The following XKR4 variants were observed in gnomAD, a reference collection of about 807,000 sequenced individuals.
The protein encoded by XKR4 is XK related 4.
In XKR4, 12 loss-of-function variants were observed where a neutral mutation model predicts 53.9. That is an observed-to-expected ratio of 0.22 (90% CI 0.14 to 0.36). The LOEUF is 0.36. Among genes scored for constraint, XKR4 ranks in the 10% least tolerant of loss-of-function variants. XKR4 has a pLI of 1.00. For missense variants in XKR4, 799 were observed against 859.5 expected (o/e 0.93, Z 0.88); for synonymous variants, 354 against 362.4 (o/e 0.98, Z 0.26).
chr8:55,487,976 T>C lies in XKR4; in HGVS notation c.1007-35305T>C, dbSNP rs147476923. 1.7e-4 allele frequency among the ~76,000 whole-genome samples: 26 copies of C among 152,340 alleles called. No individual in the cohort carries two copies. In the East Asian group the frequency reaches 5.0e-3, roughly 29 times the overall value. Reference sequence around the variant, plus strand: ...CTTCCACAGAACTCTGCTTTCAGGATTTCCAACTCTGGAATTTTAATCATT... The same window carrying C: ...CTTCCACAGAACTCTGCTTTCAGGACTTCCAACTCTGGAATTTTAATCATT... On this transcript the variant is annotated intron_variant, in intron 2 of 2. Transcript: ENST00000327381.
chr8:55,414,277 A>T (rs1041821166), intron 2 of XKR4, among the ~76,000 whole-genome samples: 1 of 152,164 alleles, frequency 6.6e-6, no homozygotes, highest in African/African-American at 2.4e-5. Context: ...ATTTATTCAC[A>T]TATTTACTAA....
rs111513957 is a variant in XKR4 at position 55,535,964 on chromosome 8, G to A, written c.*11737G>A. 3 of 152,186 alleles carry A rather than the reference G, an allele frequency of 2.0e-5. No homozygotes were observed. Among genetic ancestry groups the A allele is most frequent in the African/African-American group, 7.2e-5 (3 of 41,438 alleles). 9.4% of individuals were successfully genotyped at this position (152,186 alleles called of 1,614,324 possible). On this transcript the variant is annotated 3_prime_UTR_variant, in exon 3 of 3. Transcript: ENST00000327381. ...GATAAGGTATTCCAAGGTATTGTAA[G>A]TTACCCTTGTTTGTAGAACATGAAC...
chr8:55,284,577 T>C (rs566081295), intron 1 of XKR4, among the ~76,000 whole-genome samples: 1 of 152,282 alleles, frequency 6.6e-6, no homozygotes, highest in South Asian at 2.1e-4. Flanking sequence ...TTGAGTGTCC[T>C]TGTGACATGG....
intron 2 of XKR4, among the ~76,000 whole-genome samples, chr8:55,455,478 C>A (rs549380409): frequency 4.4e-4 from 67 of 152,234 alleles, no homozygotes; most frequent in Non-Finnish European, 6.9e-4. Context: ...AACTTTGGTG[C>A]TAGAGGGGGC....
chr8:55,162,263 C>A (rs9643836), intron 1 of XKR4, among the ~76,000 whole-genome samples: 4,582 of 152,250 alleles, frequency 0.03, 179 homozygotes, highest in East Asian at 0.12. Context: ...AAGAATACAA[C>A]CCACACCTTA....
At chr8:55,212,411 GCT>G (rs1817743245) in intron 1 of XKR4, among the ~76,000 whole-genome samples, 1 of 152,118 alleles carries the variant, frequency 6.6e-6, no homozygotes, top group African/African-American at 2.4e-5. Flanking sequence ...TTCAAGATCT[GCT>G]CTCTGTCATG....
chr8:55,131,124 A>G (rs1054554057), intron 1 of XKR4, among the ~76,000 whole-genome samples: 1 of 151,478 alleles, frequency 6.6e-6, no homozygotes, highest in Non-Finnish European at 1.5e-5. Context: ...ACACCATTGC[A>G]CTCCAGCCTG....
At chr8:55,119,135 A>C (rs560130340) in intron 1 of XKR4, among the ~76,000 whole-genome samples, 1 of 152,320 alleles carries the variant, frequency 6.6e-6, no homozygotes, top group East Asian at 1.9e-4. Context: ...CGCACACGTT[A>C]TTAAAATGTG....
At chr8:55,107,100 CCAAA>C (rs1394107172) in intron 1 of XKR4, among the ~76,000 whole-genome samples, 1 of 151,968 alleles carries the variant, frequency 6.6e-6, no homozygotes, top group Non-Finnish European at 1.5e-5. Context: ...TTAAAACTGG[CCAAA>C]CAAAAATAAT....
intron 1 of XKR4, among the ~76,000 whole-genome samples, chr8:55,156,216 G>A (rs1204086083): frequency 6.6e-6 from 1 of 151,846 alleles, no homozygotes; most frequent in African/African-American, 2.4e-5. Flanking sequence ...TTTGGTGGGG[G>A]GCGGGGAGGA....
At chr8:55,140,911 T>G (rs1318806647) in intron 1 of XKR4, among the ~76,000 whole-genome samples, 1 of 152,210 alleles carries the variant, frequency 6.6e-6, no homozygotes, top group Non-Finnish European at 1.5e-5. Flanking sequence ...TAGATGTTCA[T>G]TTGTCCATTT....
At position 55,155,646 on chromosome 8, in the gene XKR4, G is replaced by A. The variant is rs573727172; in HGVS notation, c.806+52352G>A. 4.9e-4 allele frequency among the ~76,000 whole-genome samples: 70 copies of A among 142,032 alleles called. 1 individual carries two copies. The highest frequency in any genetic ancestry group is 3.3e-3 in the South Asian group (15 of 4,534). 93.2% of individuals were successfully genotyped at this position (142,032 alleles called of 152,430 possible). A position where few individuals can be genotyped will look rare whatever the true frequency, so the allele number is the denominator to read the frequency against. ...ATAAAGGCATTAAGAGAGAGAGAGAGAAAAAAAAATCTAAAGTTCTAAATT... is the reference window on the plus strand; with the variant it reads ...ATAAAGGCATTAAGAGAGAGAGAGAAAAAAAAAAATCTAAAGTTCTAAATT... On this transcript the variant is annotated intron_variant, in intron 1 of 2. Coordinates refer to ENST00000327381, the MANE Select transcript of XKR4 (RefSeq NM_052898.2).
At chr8:55,437,413 T>C (rs1563349602) in intron 2 of XKR4, among the ~76,000 whole-genome samples, 1 of 152,128 alleles carries the variant, frequency 6.6e-6, no homozygotes, top group Non-Finnish European at 1.5e-5. Flanking sequence ...CAGGGTTAAG[T>C]AGAGATACAG....
intron 2 of XKR4, among the ~76,000 whole-genome samples, chr8:55,504,210 T>C (rs1241493712): frequency 6.6e-6 from 1 of 151,484 alleles, no homozygotes; most frequent in Non-Finnish European, 1.5e-5. Flanking sequence ...TTGTTTTGTT[T>C]TGTTTTGTTT....
At chr8:55,128,633 GACTGTTTAA>G (rs1816510435) in intron 1 of XKR4, among the ~76,000 whole-genome samples, 1 of 152,202 alleles carries the variant, frequency 6.6e-6, no homozygotes, top group African/African-American at 2.4e-5. Context: ...TGTCTTGGAT[GACTGTTTAA>G]ACTCATTTAA....
At chr8:55,400,131 G>A (rs1804577296) in intron 2 of XKR4, among the ~76,000 whole-genome samples, 1 of 152,170 alleles carries the variant, frequency 6.6e-6, no homozygotes, top group Admixed American at 6.5e-5. Context: ...AGAGAACTTT[G>A]TCTTAGAGAA....
At chr8:55,471,335 G>C (rs987207985) in intron 2 of XKR4, among the ~76,000 whole-genome samples, 2 of 152,114 alleles carry the variant, frequency 1.3e-5, no homozygotes, top group Non-Finnish European at 2.9e-5. Context: ...AAAGCACTAA[G>C]AGCAATGAGT....
At chr8:55,418,775 C>T (rs369272605) in intron 2 of XKR4, among the ~76,000 whole-genome samples, 7 of 152,212 alleles carry the variant, frequency 4.6e-5, no homozygotes, top group Non-Finnish European at 1.0e-4. Context: ...GAAGGCCCTT[C>T]CTGACACCTG....
At chr8:55,482,279 A>T (rs1333362328) in intron 2 of XKR4, among the ~76,000 whole-genome samples, 1 of 152,166 alleles carries the variant, frequency 6.6e-6, no homozygotes, top group Non-Finnish European at 1.5e-5. Flanking sequence ...CATCATTCTC[A>T]GCAAACTATT....
Sources: allele counts gnomAD v4.1 joint callset (sites outside exome capture counted in the v4.1 genomes callset), GRCh38; gene constraint gnomAD v4.1.1; transcripts MANE v1.5; gene names NCBI Gene and HGNC (gene_info 2026-07-23, HGNC 2026-07-21).